USP38: variants seen among roughly 807,000 people sequenced by gnomAD.
The protein encoded by USP38 is ubiquitin specific peptidase 38.
USP38 carries 49 observed loss-of-function variants against 94.3 expected under a neutral mutation model. That is an observed-to-expected ratio of 0.52 (90% CI 0.41 to 0.66). The LOEUF (loss-of-function observed/expected upper bound fraction) is 0.66, where lower values mean the gene tolerates loss of function less well. Among genes scored for constraint, USP38 ranks in the 30% least tolerant of loss-of-function variants. The pLI, the probability that USP38 is intolerant of heterozygous loss-of-function variation, is 0.00. For missense variants in USP38, 1,128 were observed against 1,229.4 expected, an observed-to-expected ratio of 0.92 and a Z score of 1.23; for synonymous variants, 468 against 463.6, an observed-to-expected ratio of 1.01 and a Z score of -0.12.
intron 3 of USP38, 60 bp downstream of exon 3, chr4:143,195,905 C>A: frequency 6.9e-6 from 10 of 1,442,488 alleles, no homozygotes; most frequent in African/African-American, 1.4e-5. Context: ...ATATTTTTTT[C>A]TTTGGGTGGT....
rs143525975 is a variant in USP38, at chr4:143,190,011, C to T, written c.818+2050C>T. ...CTTCCAAGTCTTTATGTGAAGTTCT[C>T]ATTGTTCATTTATTTTTAAGAAACT... is the stretch of plus-strand genomic sequence containing the variant. On this transcript the variant is annotated intron_variant, in intron 2 of 9. Transcript: ENST00000307017. Among the ~76,000 whole-genome samples, 317 of 152,074 alleles carry T rather than the reference C, an allele frequency of 2.1e-3. 1 individual carries two copies. The highest frequency in any genetic ancestry group is 7.1e-3 in the African/African-American group (296 of 41,532).
At chr4:143,187,515 A>G (rs1731264600) in intron 1 of USP38, among the ~76,000 whole-genome samples, 1 of 152,340 alleles carries the variant, frequency 6.6e-6, no homozygotes, top group South Asian at 2.1e-4. Context: ...AGTGATTTAC[A>G]AGTTAATATT....
intron 8 of USP38, 35 bp downstream of exon 8, chr4:143,212,459 T>C: frequency 6.9e-7 from 1 of 1,454,984 alleles, no homozygotes; most frequent in Non-Finnish European, 9.4e-7. Flanking sequence ...ATTTGAGTGT[T>C]GTCTTTCATA....
At chr4:143,212,525 A>T in intron 8 of USP38, 101 bp downstream of exon 8, 1 of 603,276 alleles carries the variant, frequency 1.7e-6, no homozygotes, top group Non-Finnish European at 2.6e-6. Flanking sequence ...TTCAAATATT[A>T]CTCTTTAAAA....
chr4:143,220,644 T>C lies in USP38; in HGVS notation c.*188T>C. 1.8e-6 allele frequency: 1 copy of C among 564,108 alleles called. No individual in the cohort carries two copies. The highest frequency in any genetic ancestry group is 2.6e-6 in the Non-Finnish European group (1 of 380,070). The allele number at this position is 564,108 out of a possible 1,614,324, so 34.9% of individuals were successfully genotyped here. ...AAAATGCATCATGGAAAAAAAAATCTACCTCTTAAAATTCCATTTGCTTTT... is the reference window on the plus strand; with the variant it reads ...AAAATGCATCATGGAAAAAAAAATCCACCTCTTAAAATTCCATTTGCTTTT... On this transcript the variant is annotated 3_prime_UTR_variant, in exon 10 of 10. Coordinates refer to ENST00000307017, the MANE Select transcript of USP38 (RefSeq NM_032557.6).
chr4:143,200,014 A>G (rs1731665594), intron 4 of USP38, among the ~76,000 whole-genome samples: 2 of 152,092 alleles, frequency 1.3e-5, no homozygotes, highest in African/African-American at 4.8e-5. Context: ...CTTTTGTAGC[A>G]ATTGCTTTTG....
At chr4:143,193,707 C>T (rs564285487) in intron 2 of USP38, among the ~76,000 whole-genome samples, 1 of 152,258 alleles carries the variant, frequency 6.6e-6, no homozygotes, top group South Asian at 2.1e-4. Context: ...ATTTTAAAAG[C>T]AAAAACCTTA....
At chr4:143,213,482 A>G in intron 8 of USP38, 99 bp from the exon 9 acceptor site, 1 of 1,249,960 alleles carries the variant, frequency 8.0e-7, no homozygotes, top group Non-Finnish European at 1.1e-6. Flanking sequence ...TTTACATTAA[A>G]TTTGATTAGA....
At chr4:143,190,191 A>G (rs1731355044) in intron 2 of USP38, among the ~76,000 whole-genome samples, 1 of 152,148 alleles carries the variant, frequency 6.6e-6, no homozygotes, top group Non-Finnish European at 1.5e-5. Flanking sequence ...ACACATTCAG[A>G]GAATTACAGA....
Position 143,214,015 on chromosome 4 carries a change from GTCC to G in USP38, c.2044_2046del (p.Pro682del). ...CTTGTGAATGAAAAAACCATAGGCA[GTCC>G]TCCTAATGAGTTTTACTGTTCTGAA... On this transcript the variant is annotated inframe_deletion, in exon 9 of 10. Coordinates refer to ENST00000307017, the MANE Select transcript of USP38 (RefSeq NM_032557.6). The G allele has an allele frequency of 1.2e-6, 2 of 1,613,594 alleles. No homozygotes were observed. The highest frequency in any genetic ancestry group is 1.7e-6 in the Non-Finnish European group (2 of 1,179,812).
chr4:143,188,034 A>G (rs1343775811), intron 2 of USP38, 73 bp downstream of exon 2: 2 of 1,445,304 alleles, frequency 1.4e-6, no homozygotes, highest in East Asian at 2.5e-5. Flanking sequence ...TTTGTGAGTA[A>G]TGAAAAACTT....
At chr4:143,208,733 A>G (rs921817995) in intron 6 of USP38, among the ~76,000 whole-genome samples, 1 of 151,962 alleles carries the variant, frequency 6.6e-6, no homozygotes, top group African/African-American at 2.4e-5. Context: ...TCAAGGCACA[A>G]TTCAAATTTG....
In USP38 at chr4:143,185,572, T is replaced by C. The variant is rs1443690434; in HGVS notation, c.122T>C (p.Met41Thr). The C allele has an allele frequency of 6.2e-7, 1 of 1,614,080 alleles. No individual in the cohort carries two copies. The change falls in exon 1 of 10, where the codon ATG becomes ACG. Residue 41 changes from methionine to threonine, a missense_variant. Coordinates refer to ENST00000307017, the MANE Select transcript of USP38 (RefSeq NM_032557.6). Reference sequence around the variant, plus strand: ...CTAGACGAGGCGCAGTGCGAGGCCATGTTTGACCTGACGACCCGGCTCATC... The same window carrying C: ...CTAGACGAGGCGCAGTGCGAGGCCACGTTTGACCTGACGACCCGGCTCATC... ...HWLDEAQCEA[M>T]FDLTTRLILE...
At chr4:143,218,041 A>G (rs990864512) in intron 9 of USP38, among the ~76,000 whole-genome samples, 2 of 152,108 alleles carry the variant, frequency 1.3e-5, no homozygotes, top group African/African-American at 4.8e-5. Flanking sequence ...TCATCATTGT[A>G]TGGTCCAGAT....
intron 3 of USP38, among the ~76,000 whole-genome samples, chr4:143,197,066 G>C (rs1731571222): frequency 6.6e-6 from 1 of 152,040 alleles, no homozygotes; most frequent in African/African-American, 2.4e-5. Flanking sequence ...TATGTATTCT[G>C]GCCCACTTTT....
At chr4:143,215,159 C>G in intron 9 of USP38, 1 of 540,366 alleles carries the variant, frequency 1.9e-6, no homozygotes, top group Non-Finnish European at 3.2e-6. Context: ...ATGCAGAAGA[C>G]TTTATTTGTT....
At chr4:143,188,325 C>G (rs1731290611) in intron 2 of USP38, among the ~76,000 whole-genome samples, 1 of 151,776 alleles carries the variant, frequency 6.6e-6, no homozygotes, top group Non-Finnish European at 1.5e-5. Flanking sequence ...ATATACTTTA[C>G]TTTCTCTTTC....
In USP38 at chr4:143,206,191, G is replaced by A. The variant is rs560725579; in HGVS notation, c.1368G>A (p.Met456Ile). The change falls in exon 6 of 10, where the codon ATG becomes ATA. Residue 456 changes from methionine to isoleucine, a missense_variant. Met to Ile is a conservative substitution (Grantham distance 10). Coordinates refer to ENST00000307017, the MANE Select transcript of USP38 (RefSeq NM_032557.6). ...TTAACCTAGGAAATACATGTTATAT[G>A]AACAGTGTTATACAAGCCTTGTTTA... ...GLINLGNTCY[M>I]NSVIQALFMA... The A allele has an allele frequency of 5.6e-6, 9 of 1,612,126 alleles. No individual in the cohort carries two copies. In the East Asian group the frequency reaches 1.8e-4, roughly 32 times the overall value.
intron 2 of USP38, among the ~76,000 whole-genome samples, chr4:143,194,630 C>G (rs529168041): frequency 6.6e-6 from 1 of 152,180 alleles, no homozygotes; most frequent in Non-Finnish European, 1.5e-5. Context: ...GCCTCAGCCT[C>G]CCGAGTAGCT....
Sources: gnomAD v4.1 joint callset for allele counts (sites outside exome capture counted in the v4.1 genomes callset) on GRCh38, gnomAD v4.1.1 for gene constraint, MANE v1.5 for transcripts, NCBI Gene and HGNC (gene_info 2026-07-23, HGNC 2026-07-21) for gene names.